MAN1C1: variants seen among roughly 807,000 people sequenced by gnomAD.
MAN1C1 encodes mannosidase alpha class 1C member 1, also known as mannosyl-oligosaccharide 1,2-alpha-mannosidase IC.
In MAN1C1, 49 loss-of-function variants were observed where a neutral mutation model predicts 71.5. That is an observed-to-expected ratio of 0.69 (90% CI 0.54 to 0.87). The LOEUF is 0.87. MAN1C1 is among the 40% of genes least tolerant of loss of function. MAN1C1 has a pLI of 0.00. For synonymous variants in MAN1C1, 352 were observed against 343.7 expected (o/e 1.02, Z -0.27); for missense variants, 743 against 835.0 (o/e 0.89, Z 1.36).
intron 1 of MAN1C1, among the ~76,000 whole-genome samples, chr1:25,637,394 T>C (rs2124757799): frequency 6.6e-6 from 1 of 152,334 alleles, no homozygotes; most frequent in Admixed American, 6.5e-5. Context: ...TATTGATTTC[T>C]AATTTAAGTC....
chr1:25,674,467 A>G (rs2046036784), intron 1 of MAN1C1, among the ~76,000 whole-genome samples: 1 of 152,232 alleles, frequency 6.6e-6, no homozygotes, highest in South Asian at 2.1e-4. Flanking sequence ...ATGCAGGGAA[A>G]TAGATACTAA....
intron 2 of MAN1C1, among the ~76,000 whole-genome samples, chr1:25,737,400 GC>G (rs150665016): frequency 3.6e-4 from 55 of 152,144 alleles, no homozygotes; most frequent in African/African-American, 1.0e-3. Context: ...TGCCCATTTC[GC>G]CCCCCCGACA....
At chr1:25,690,633 G>A (rs2046295592) in intron 2 of MAN1C1, among the ~76,000 whole-genome samples, 1 of 152,234 alleles carries the variant, frequency 6.6e-6, no homozygotes, top group Non-Finnish European at 1.5e-5. Flanking sequence ...GGCCAGACAG[G>A]GCAGTTATTG....
chr1:25,756,464 G>A (rs201341170), intron 5 of MAN1C1, among the ~76,000 whole-genome samples: 24 of 152,158 alleles, frequency 1.6e-4, no homozygotes, highest in African/African-American at 2.9e-4. Flanking sequence ...CCATGTGGGG[G>A]AAAAGGAGAA....
chr1:25,641,636 T>G (rs2045538611), intron 1 of MAN1C1, among the ~76,000 whole-genome samples: 1 of 152,220 alleles, frequency 6.6e-6, no homozygotes, highest in Admixed American at 6.5e-5. Flanking sequence ...GGGTGTAGCC[T>G]GAGCACAGGG....
intron 4 of MAN1C1, among the ~76,000 whole-genome samples, chr1:25,749,855 C>T (rs1051290319): frequency 6.6e-6 from 1 of 152,232 alleles, no homozygotes; most frequent in Admixed American, 6.5e-5. Flanking sequence ...CCTTGCCCTC[C>T]CCTCCTGGGC....
Position 25,778,211 on chromosome 1 carries a change from C to T in MAN1C1, c.1364C>T (p.Ser455Phe). The change falls in exon 9 of 12, where the codon TCC (serine) becomes TTC (phenylalanine). Residue 455 changes from serine (S) to phenylalanine (F), a missense_variant. Ser to Phe is a radical substitution (Grantham distance 155). Transcript: ENST00000374332. The surrounding 1 kb of genome is among the most constrained non-coding windows in gnomAD (Gnocchi z 5.5). The part of the protein sequence containing the change: ...DHKMGHLACF[S>F]GGMIALGAED... ...AAGATGGGGCACCTGGCCTGTTTCTCCGGGGGCATGATCGCCCTTGGCGCC... is the reference window on the plus strand; with the variant it reads ...AAGATGGGGCACCTGGCCTGTTTCTTCGGGGGCATGATCGCCCTTGGCGCC... The T allele has an allele frequency of 6.2e-7, 1 of 1,614,000 alleles. No homozygotes were observed. The highest frequency in any genetic ancestry group is 1.1e-5 in the South Asian group (1 of 91,076).
intron 2 of MAN1C1, among the ~76,000 whole-genome samples, chr1:25,739,033 T>C (rs2047021251): frequency 6.6e-6 from 1 of 151,998 alleles, no homozygotes; most frequent in African/African-American, 2.4e-5. Flanking sequence ...GGCATGGTGG[T>C]GCACTCCTGT....
intron 2 of MAN1C1, among the ~76,000 whole-genome samples, chr1:25,691,147 T>C (rs1283128579): frequency 6.6e-6 from 1 of 152,124 alleles, no homozygotes; most frequent in African/African-American, 2.4e-5. Context: ...TGAAAGCCCA[T>C]TTCTACTAAA....
In MAN1C1 at chr1:25,776,938, G is replaced by A. The variant is rs972307920; in HGVS notation, c.1258-1167G>A. On this transcript the variant is annotated intron_variant, in intron 8 of 11. Coordinates refer to ENST00000374332, the MANE Select transcript of MAN1C1 (RefSeq NM_020379.4). The surrounding 1 kb of genome is among the most constrained non-coding windows in gnomAD (Gnocchi z 4.3). ...TAATGCTCTTATCCCCAGTTTACAC[G>A]TTAGGAAACTGAGGCACAGAGAGAA... Among the ~76,000 whole-genome samples the A allele has an allele frequency of 5.3e-5, 8 of 152,132 alleles. No homozygotes were observed. Among genetic ancestry groups the A allele is most frequent in the Non-Finnish European group, 1.2e-4 (8 of 68,038 alleles).
At chr1:25,693,883 C>T (rs1017612480) in intron 2 of MAN1C1, among the ~76,000 whole-genome samples, 1 of 152,202 alleles carries the variant, frequency 6.6e-6, no homozygotes, top group African/African-American at 2.4e-5. Context: ...ACAACTACTT[C>T]ACTCAACAGC....
rs1175386936 is a variant in MAN1C1, at chr1:25,746,165, C to A, written c.638-503C>A. Among the ~76,000 whole-genome samples, 1 of 149,958 alleles carries A rather than the reference C, an allele frequency of 6.7e-6. No homozygotes were observed. Among genetic ancestry groups the A allele is most frequent in the Admixed American group, 6.6e-5 (1 of 15,056 alleles). ...ACTAAAAATACAAAAATTATCTGGGCGTGGTGGTGGACACCTGTGGTCCCA... is the reference window on the plus strand; with the variant it reads ...ACTAAAAATACAAAAATTATCTGGGAGTGGTGGTGGACACCTGTGGTCCCA... On this transcript the variant is annotated intron_variant, in intron 2 of 11. Transcript: ENST00000374332. The surrounding 1 kb of genome is among the most constrained non-coding windows in gnomAD (Gnocchi z 4.0).
chr1:25,751,411 T>C (rs1454465617), intron 4 of MAN1C1, among the ~76,000 whole-genome samples: 1 of 152,176 alleles, frequency 6.6e-6, no homozygotes, highest in Non-Finnish European at 1.5e-5. Context: ...AGGGCATCTG[T>C]GGTTCTGAGA....
At chr1:25,705,094 C>T (rs1394367301) in intron 2 of MAN1C1, among the ~76,000 whole-genome samples, 2 of 152,070 alleles carry the variant, frequency 1.3e-5, no homozygotes, top group Non-Finnish European at 2.9e-5. Context: ...TAAAATTACT[C>T]GATCCGTTTT....
intron 1 of MAN1C1, among the ~76,000 whole-genome samples, chr1:25,681,733 G>T (rs778150141): frequency 6.6e-6 from 1 of 152,096 alleles, no homozygotes; most frequent in African/African-American, 2.4e-5. Flanking sequence ...CAAAGTGGCC[G>T]CACCGTTTTC....
chr1:25,719,243 TTG>T (rs1306578369), intron 2 of MAN1C1, among the ~76,000 whole-genome samples: 2 of 149,856 alleles, frequency 1.3e-5, no homozygotes, highest in African/African-American at 4.9e-5. Context: ...CGGCTTATTT[TTG>T]TGTTTTTAGT....
intron 1 of MAN1C1, among the ~76,000 whole-genome samples, chr1:25,684,338 G>A (rs2046197887): frequency 6.6e-6 from 1 of 152,202 alleles, no homozygotes; most frequent in African/African-American, 2.4e-5. Context: ...AAATAACAGA[G>A]GAATGGAACC....
intron 4 of MAN1C1, among the ~76,000 whole-genome samples, chr1:25,750,461 G>A (rs1318444489): frequency 3.3e-5 from 5 of 151,486 alleles, no homozygotes; most frequent in South Asian, 2.1e-4. Context: ...CCTGCCCCCC[G>A]CCACCCAAGG....
At chr1:25,756,649 C>T (rs2047290140) in intron 5 of MAN1C1, among the ~76,000 whole-genome samples, 1 of 152,130 alleles carries the variant, frequency 6.6e-6, no homozygotes, top group Non-Finnish European at 1.5e-5. Flanking sequence ...TGGCACCTCT[C>T]TCTTTCCCTC....
Sources: allele counts gnomAD v4.1 joint callset (sites outside exome capture counted in the v4.1 genomes callset), GRCh38; gene constraint gnomAD v4.1.1; non-coding constraint Gnocchi (gnomAD v3.1); transcripts MANE v1.5; gene names NCBI Gene and HGNC (gene_info 2026-07-23, HGNC 2026-07-21).